Variants in DMXL1 observed in about 807,000 individuals in gnomAD.
DMXL1 encodes the protein Dmx like 1, also known as dmX-like protein 1.
Under a neutral mutation model 319.2 loss-of-function variants are expected in DMXL1, and 99 were observed. The observed-to-expected ratio is 0.31, with a 90% CI of 0.26 to 0.37. The LOEUF (loss-of-function observed/expected upper bound fraction) is 0.37. Among genes scored for constraint, DMXL1 ranks in the 10% least tolerant of loss-of-function variants. The probability of loss-of-function intolerance (pLI) is 1.00; values close to 1 mark genes in which losing one functional copy is unlikely to be tolerated. For synonymous variants in DMXL1, 1,385 were observed against 1,235.2 expected, an observed-to-expected ratio of 1.12 and a Z score of -2.54; for missense variants, 3,745 against 3,595.6, an observed-to-expected ratio of 1.04 and a Z score of -1.06.
intron 2 of DMXL1, among the ~76,000 whole-genome samples, chr5:119,099,129 TG>T (rs1756649393): frequency 6.6e-6 from 1 of 152,168 alleles, no homozygotes; most frequent in African/African-American, 2.4e-5. Context: ...GACTTCTCGC[TG>T]TACAACAAAA....
chr5:119,164,455 C>A, intron 19 of DMXL1, 52 bp from the exon 20 acceptor site: 1 of 1,448,780 alleles, frequency 6.9e-7, no homozygotes, highest in Non-Finnish European at 9.5e-7. Context: ...TTCTGATAAT[C>A]ATATAAGCAT....
intron 18 of DMXL1, among the ~76,000 whole-genome samples, chr5:119,150,851 T>A (rs1327126497): frequency 6.6e-6 from 1 of 151,906 alleles, no homozygotes; most frequent in Admixed American, 6.6e-5. Flanking sequence ...CACAACAGTT[T>A]TAACTTTTTT....
chr5:119,217,092 G>C (rs1003638751), intron 35 of DMXL1, 105 bp downstream of exon 35: 3 of 607,432 alleles, frequency 4.9e-6, no homozygotes, highest in Non-Finnish European at 8.2e-6. Context: ...GCTGCTTCCA[G>C]TTCCTTAAAT....
intron 37 of DMXL1, among the ~76,000 whole-genome samples, chr5:119,222,377 G>A (rs1358147403): frequency 6.6e-6 from 1 of 152,116 alleles, no homozygotes; most frequent in African/African-American, 2.4e-5. Flanking sequence ...AAGCAATCTA[G>A]TAATTATTCA....
chr5:119,208,806 A>G lies in DMXL1; in HGVS notation c.7926+1910A>G, dbSNP rs190339758. On this transcript the variant is annotated intron_variant, in intron 34 of 43. Coordinates refer to ENST00000539542, the MANE Select transcript of DMXL1 (RefSeq NM_001290321.3). ...TAGCGAAGCCATCACCACAACCAGG[A>G]TAATGATTATATCCATCAGTCCCCA... Among the ~76,000 whole-genome samples, 645 of 152,294 alleles carry G rather than the reference A, an allele frequency of 4.2e-3. 12 individuals carry two copies. Among genetic ancestry groups the G allele is most frequent in the South Asian group, 0.034 (166 of 4,828 alleles).
Position 119,150,080 on chromosome 5 carries a change from G to T in DMXL1, c.4253G>T (p.Ser1418Ile). Residue 1418 changes from serine to isoleucine, a missense_variant, in exon 18 of 44, where the codon AGC (serine) becomes ATC (isoleucine). Around this residue, in one of 4 missense-constraint regions of DMXL1, gnomAD observed 2,096 missense variants for 1,985.4 expected, o/e 1.06. Transcript: ENST00000539542. ...GCCTTACTTGCAGCAGATGATGATA[G>T]CTGTTACTCATCTTTGGAGAAATCT... ...LYALLAADDD[S>I]CYSSLEKSSN... 1.2e-6 allele frequency: 2 copies of T among 1,613,680 alleles called. No individual in the cohort carries two copies. Among genetic ancestry groups the T allele is most frequent in the South Asian group, 2.2e-5 (2 of 91,062 alleles).
chr5:119,119,710 A>G (rs997748147), intron 8 of DMXL1, among the ~76,000 whole-genome samples: 7 of 151,764 alleles, frequency 4.6e-5, no homozygotes, highest in Non-Finnish European at 1.0e-4. Context: ...GGGCTTTACC[A>G]TGTTTGCCAG....
At chr5:119,110,366 C>T in intron 5 of DMXL1, 83 bp downstream of exon 5, 1 of 1,240,478 alleles carries the variant, frequency 8.1e-7, no homozygotes, top group Non-Finnish European at 1.1e-6. Context: ...TTGTGTAAAA[C>T]CACACTGACA....
At chr5:119,116,701 C>G (rs1333803075) in intron 7 of DMXL1, among the ~76,000 whole-genome samples, 1 of 152,104 alleles carries the variant, frequency 6.6e-6, no homozygotes, top group Non-Finnish European at 1.5e-5. Flanking sequence ...CTTGTACCTT[C>G]TAGTATGTCT....
At chr5:119,115,333 A>G (rs1760598716) in intron 6 of DMXL1, among the ~76,000 whole-genome samples, 1 of 152,236 alleles carries the variant, frequency 6.6e-6, no homozygotes. Flanking sequence ...TAGGCTTTCT[A>G]GAAAGATACT....
chr5:119,240,349 G>C, intron 41 of DMXL1, 70 bp from the exon 42 acceptor site: 1 of 1,125,372 alleles, frequency 8.9e-7, no homozygotes, highest in Non-Finnish European at 1.3e-6. Flanking sequence ...AGGTCACACA[G>C]TTATATATGA....
At chr5:119,245,515 T>C (rs952978102) in intron 43 of DMXL1, among the ~76,000 whole-genome samples, 3 of 151,976 alleles carry the variant, frequency 2.0e-5, no homozygotes, top group Admixed American at 1.3e-4. Flanking sequence ...CTCTCTAGTT[T>C]AGAATATGCC....
chr5:119,116,930 T>C (rs537312211), intron 7 of DMXL1, among the ~76,000 whole-genome samples: 1 of 152,244 alleles, frequency 6.6e-6, no homozygotes, highest in African/African-American at 2.4e-5. Context: ...TCTGTAGTTC[T>C]GGAAAGAGTT....
Position 119,116,211 on chromosome 5 carries a change from T to A in DMXL1, c.618T>A (p.Val206=). ...ATGTAGAAAACTGGCGGACAGCTGT[T>A]ACTTCTCCAGATGGAAGTTCAGAAA... ...WYNVENWRTA[V]TSPDGSSEKQ... is the part of the protein sequence containing the mutation. The change falls in exon 7 of 44, where the codon GTT becomes GTA. Residue 206 remains valine, a synonymous_variant. Transcript: ENST00000539542. 6.2e-7 allele frequency: 1 copy of A among 1,614,124 alleles called. No individual in the cohort carries two copies. The highest frequency in any genetic ancestry group is 8.5e-7 in the Non-Finnish European group (1 of 1,179,990).
rs570652513 is a variant in DMXL1, at chr5:119,217,507, T to C, written c.8013+520T>C. 3.9e-5 allele frequency among the ~76,000 whole-genome samples: 6 copies of C among 152,286 alleles called. 1 individual carries two copies. The South Asian group carries it at 1.2e-3, about 32-fold the overall frequency. On this transcript the variant is annotated intron_variant, in intron 35 of 43. Transcript: ENST00000539542. ...TGGCCTTAGGTACTATAGTCCAAGATTGAAATCTGTCTTATTAATCATTTT... is the reference window on the plus strand; with the variant it reads ...TGGCCTTAGGTACTATAGTCCAAGACTGAAATCTGTCTTATTAATCATTTT...
intron 43 of DMXL1, among the ~76,000 whole-genome samples, chr5:119,246,070 C>A (rs1789707218): frequency 6.6e-6 from 1 of 152,116 alleles, no homozygotes; most frequent in South Asian, 2.1e-4. Context: ...AATACATGTC[C>A]TGAAAGCATT....
chr5:119,142,694 C>T (rs912585319), intron 13 of DMXL1, among the ~76,000 whole-genome samples: 1 of 151,860 alleles, frequency 6.6e-6, no homozygotes, highest in African/African-American at 2.4e-5. Context: ...GGCTATGTAC[C>T]TAGAGGAGTA....
At position 119,129,329 on chromosome 5, in the gene DMXL1, A is replaced by G. The variant is rs753462329; in HGVS notation, c.1221A>G (p.Glu407=). Residue 407 remains glutamate, a synonymous_variant, in exon 10 of 44, where the codon GAA becomes GAG. Coordinates refer to ENST00000539542, the MANE Select transcript of DMXL1 (RefSeq NM_001290321.3). Reference sequence around the variant, plus strand: ...AACTGCATTTTACTTTGTCCATGGAAGTTTTTTTACAGCAACTTAGAAAAA... The same window carrying G: ...AACTGCATTTTACTTTGTCCATGGAGGTTTTTTTACAGCAACTTAGAAAAA... ...NKELHFTLSM[E]VFLQQLRKSF... The G allele has an allele frequency of 6.2e-7, 1 of 1,613,834 alleles. No homozygotes were observed. The highest frequency in any genetic ancestry group is 1.1e-5 in the South Asian group (1 of 91,074).
At chr5:119,157,469 G>A (rs1379487025) in intron 19 of DMXL1, among the ~76,000 whole-genome samples, 5 of 152,156 alleles carry the variant, frequency 3.3e-5, no homozygotes, top group African/African-American at 1.2e-4. Flanking sequence ...TTATGCTTAA[G>A]TATTTAATCC....
Sources: gnomAD v4.1 joint callset for allele counts (sites outside exome capture counted in the v4.1 genomes callset) on GRCh38, gnomAD v4.1.1 for gene constraint, gnomAD v4.1.1 regional missense constraint, MANE v1.5 for transcripts, NCBI Gene and HGNC (gene_info 2026-07-23, HGNC 2026-07-21) for gene names.